Variants in LHPP observed in about 807,000 individuals in gnomAD.
LHPP encodes hLHPP.
In LHPP, 24 loss-of-function variants were observed where a neutral mutation model predicts 30.3. That is an observed-to-expected ratio of 0.79 (90% confidence interval 0.57 to 1.11). LHPP has a LOEUF of 1.11. Among genes scored for constraint, LHPP ranks in the 50% most tolerant of loss-of-function variants. The pLI is 0.00. For synonymous variants in LHPP, 150 were observed against 157.1 expected, an observed-to-expected ratio of 0.95 and a Z score of 0.34; for missense variants, 356 against 367.2, an observed-to-expected ratio of 0.97 and a Z score of 0.25.
intron 6 of LHPP, among the ~76,000 whole-genome samples, chr10:124,607,362 C>T (rs1949108568): frequency 6.6e-6 from 1 of 152,248 alleles, no homozygotes; most frequent in Non-Finnish European, 1.5e-5. Flanking sequence ...CTGGGAGACA[C>T]AGCCCACAGC....
intron 6 of LHPP, among the ~76,000 whole-genome samples, chr10:124,572,669 G>GGAAAGAA (rs1190628596): frequency 8.0e-6 from 1 of 124,720 alleles, no homozygotes; most frequent in African/African-American, 3.0e-5. Context: ...GGAAAGAAAA[G>GGAAAGAA]AAAAAAAAGA....
At chr10:124,504,180 A>G (rs890283621) in intron 5 of LHPP, among the ~76,000 whole-genome samples, 1 of 152,174 alleles carries the variant, frequency 6.6e-6, no homozygotes, top group South Asian at 2.1e-4. Flanking sequence ...TGACAGAGTG[A>G]GACTCTGTCT....
At chr10:124,501,091 C>A (rs1387887327) in intron 5 of LHPP, among the ~76,000 whole-genome samples, 1 of 152,002 alleles carries the variant, frequency 6.6e-6, no homozygotes, top group Admixed American at 6.5e-5. Flanking sequence ...GAAGTTCTGA[C>A]ACATGCTACA....
chr10:124,592,778 G>C lies in LHPP; in HGVS notation c.717-20486G>C, dbSNP rs1030460029. ...GACAGAGTGTCCTGGAGGGCAGCTT[G>C]TCTCCCTGGCCTGGAGATGAAAACT... On this transcript the variant is annotated intron_variant, in intron 6 of 6. Coordinates refer to ENST00000368842, the MANE Select transcript of LHPP (RefSeq NM_022126.4). The surrounding 1 kb of genome is among the most constrained non-coding windows in gnomAD (Gnocchi z 6.2). Among the ~76,000 whole-genome samples, 1 of 152,254 alleles carries C rather than the reference G, an allele frequency of 6.6e-6. No homozygotes were observed. Among genetic ancestry groups the C allele is most frequent in the Non-Finnish European group, 1.5e-5 (1 of 68,044 alleles).
intron 6 of LHPP, among the ~76,000 whole-genome samples, chr10:124,548,968 T>G (rs959907257): frequency 6.6e-6 from 1 of 152,232 alleles, no homozygotes; most frequent in Non-Finnish European, 1.5e-5. Flanking sequence ...CAGCGGGACA[T>G]TCCACTGTAG....
Position 124,594,247 on chromosome 10 carries a change from T to C in LHPP, c.717-19017T>C, listed in dbSNP as rs940053119. On this transcript the variant is annotated intron_variant, in intron 6 of 6. Coordinates refer to ENST00000368842, the MANE Select transcript of LHPP (RefSeq NM_022126.4). ...CAGGAGGCGGAGGCAAGAGAATCAC[T>C]TGAACCTAGGAGGCAGAGGTTGTAG... Among the ~76,000 whole-genome samples the C allele has an allele frequency of 2.7e-5, 4 of 147,408 alleles. No individual in the cohort carries two copies. The Admixed American group carries it at 2.9e-4, about 11-fold the overall frequency.
chr10:124,495,810 G>A (rs1467370900), intron 3 of LHPP, among the ~76,000 whole-genome samples: 1 of 152,188 alleles, frequency 6.6e-6, no homozygotes, highest in African/African-American at 2.4e-5. Context: ...GGAAGGTACC[G>A]AGTTAATAAC....
intron 5 of LHPP, among the ~76,000 whole-genome samples, chr10:124,506,290 A>G (rs80319257): frequency 0.11 from 11,556 of 100,514 alleles, 600 homozygotes; most frequent in East Asian, 0.24. Context: ...CGGTTTCTCA[A>G]CCTCGACACT....
chr10:124,517,094 C>G lies in LHPP; in HGVS notation c.625-86C>G. The G allele has an allele frequency of 2.5e-6, 2 of 787,486 alleles. No individual in the cohort carries two copies. The highest frequency in any genetic ancestry group is 2.0e-6 in the Non-Finnish European group (1 of 498,432). The allele number at this position is 787,486 out of a possible 1,614,324, so 48.8% of individuals were successfully genotyped here. A position where few individuals can be genotyped will look rare whatever the true frequency, so the allele number is the denominator to read the frequency against. On this transcript the variant is annotated intron_variant, in intron 5 of 6. Transcript: ENST00000368842. The surrounding 1 kb of genome is among the most constrained non-coding windows in gnomAD (Gnocchi z 4.1). ...GGTGGTTGTAAACATCAAATCAAGC[C>G]ATTTATTATGTCAAAAAAAGATGAA...
chr10:124,609,282 A>G (rs903512532), intron 6 of LHPP, among the ~76,000 whole-genome samples: 1 of 152,170 alleles, frequency 6.6e-6, no homozygotes, highest in Non-Finnish European at 1.5e-5. Flanking sequence ...CTCATCTGTC[A>G]CCCAGGTTGG....
chr10:124,498,882 C>CTTTTT, intron 5 of LHPP: 2 of 193,302 alleles, frequency 1.0e-5, no homozygotes, highest in South Asian at 9.5e-5. Flanking sequence ...GCCTGGCAAA[C>CTTTTT]TTTTTTTTTT....
intron 1 of LHPP, among the ~76,000 whole-genome samples, chr10:124,463,505 G>A (rs1412024533): frequency 6.6e-6 from 1 of 152,040 alleles, no homozygotes; most frequent in Non-Finnish European, 1.5e-5. Context: ...TGGGATTACA[G>A]GCACCCGCCA....
At chr10:124,606,776 C>T (rs1280039826) in intron 6 of LHPP, among the ~76,000 whole-genome samples, 2 of 152,202 alleles carry the variant, frequency 1.3e-5, no homozygotes, top group African/African-American at 4.8e-5. Context: ...GAGCCGTCAG[C>T]CAGGCCCGTA....
intron 2 of LHPP, among the ~76,000 whole-genome samples, 174 bp downstream of exon 2, chr10:124,484,500 G>A (rs909008497): frequency 1.3e-5 from 2 of 152,012 alleles, no homozygotes; most frequent in African/African-American, 4.8e-5. Context: ...CTGGGGGCAG[G>A]TTAGGACCCA....
intron 6 of LHPP, among the ~76,000 whole-genome samples, chr10:124,560,542 G>A (rs1026847736): frequency 6.6e-6 from 1 of 152,248 alleles, no homozygotes; most frequent in South Asian, 2.1e-4. Flanking sequence ...AGGGAGCGCC[G>A]TGGCCTCTTG....
intron 6 of LHPP, among the ~76,000 whole-genome samples, chr10:124,561,435 G>A (rs1948393173): frequency 6.6e-6 from 1 of 152,048 alleles, no homozygotes; most frequent in Non-Finnish European, 1.5e-5. Context: ...CTAGTCAGTG[G>A]TGACAAGACA....
At chr10:124,553,987 C>G (rs1032559492) in intron 6 of LHPP, 1 of 985,442 alleles carries the variant, frequency 1.0e-6, no homozygotes, top group Middle Eastern at 5.2e-4. Context: ...ACTGGGCGCT[C>G]CTGTGGACAG....
intron 6 of LHPP, among the ~76,000 whole-genome samples, chr10:124,570,568 TC>T (rs1948568517): frequency 6.6e-6 from 1 of 152,194 alleles, no homozygotes; most frequent in Non-Finnish European, 1.5e-5. Flanking sequence ...CACCTCTAAT[TC>T]CAGAATATTC....
intron 5 of LHPP, among the ~76,000 whole-genome samples, chr10:124,502,737 G>T (rs1329192596): frequency 3.3e-5 from 4 of 119,938 alleles, no homozygotes; most frequent in Non-Finnish European, 6.4e-5. Flanking sequence ...ACAATAGCAT[G>T]ATCTCAGCTC....
Sources: allele counts gnomAD v4.1 joint callset (sites outside exome capture counted in the v4.1 genomes callset), GRCh38; gene constraint gnomAD v4.1.1; non-coding constraint Gnocchi (gnomAD v3.1); transcripts MANE v1.5; gene names NCBI Gene and HGNC (gene_info 2026-07-23, HGNC 2026-07-21).